IGF2BP2: variants seen among roughly 807,000 people sequenced by gnomAD.
IGF2BP2 encodes insulin-like growth factor 2 mRNA-binding protein 2.
IGF2BP2 carries 17 observed loss-of-function variants against 75.8 expected under a neutral mutation model. The ratio of observed to expected loss-of-function variants is 0.22; its 90% CI spans 0.15 to 0.34. The LOEUF (loss-of-function observed/expected upper bound fraction) is 0.34, where lower values mean the gene tolerates loss of function less well. IGF2BP2 is among the 10% of genes least tolerant of loss of function. The pLI, the probability that IGF2BP2 is intolerant of heterozygous loss-of-function variation, is 1.00. For synonymous variants in IGF2BP2, 288 were observed against 295.6 expected, an observed-to-expected ratio of 0.97 and a Z score of 0.26; for missense variants, 516 against 772.4, an observed-to-expected ratio of 0.67 and a Z score of 3.93.
rs560926381 is a variant in IGF2BP2, at chr3:185,824,285, C to G, written c.178+498G>C. 4.0e-5 allele frequency among the ~76,000 whole-genome samples: 6 copies of G among 149,864 alleles called. No individual in the cohort carries two copies. In the East Asian group the frequency reaches 1.2e-3, roughly 30 times the overall value. ...GGGGGCTCGAAAGGAGAGTGCGGCT[C>G]AGGAGACGCCAGAGGGCGAGAGGTT... On this transcript the variant is annotated intron_variant, in intron 1 of 15. Coordinates refer to ENST00000382199, the MANE Select transcript of IGF2BP2 (RefSeq NM_006548.6).
intron 2 of IGF2BP2, chr3:185,716,523 T>A (rs1275713432): frequency 5.8e-6 from 3 of 520,144 alleles, no homozygotes; most frequent in Non-Finnish European, 1.2e-5. Context: ...GTGGGCTGCT[T>A]TATCCTGTAG....
In IGF2BP2 at chr3:185,824,913, G is replaced by A. The variant is rs754814335; in HGVS notation, c.48C>T (p.Ala16=). Residue 16 remains alanine (A), a synonymous_variant, in exon 1 of 16, where the codon GCC becomes GCT. Coordinates refer to ENST00000382199, the MANE Select transcript of IGF2BP2 (RefSeq NM_006548.6). ...YIGNLSPAVT[A]DDLRQLFGDR... is the part of the protein sequence containing the mutation. ...CCCCAAAGAGCTGCCGGAGGTCGTC[G>A]GCGGTGACGGCGGGGCTCAGGTTCC... is the stretch of plus-strand genomic sequence containing the variant. The A allele has an allele frequency of 3.2e-6, 5 of 1,567,490 alleles. No individual in the cohort carries two copies. In the African/African-American group the frequency reaches 4.1e-5, roughly 13 times the overall value.
intron 2 of IGF2BP2, among the ~76,000 whole-genome samples, chr3:185,744,997 C>G (rs1197477620): frequency 6.6e-6 from 1 of 152,246 alleles, no homozygotes; most frequent in Non-Finnish European, 1.5e-5. Flanking sequence ...GACCAGAGGG[C>G]CTTTATTTCT....
chr3:185,696,709 T>C (rs1466762089), intron 3 of IGF2BP2, 46 bp from the exon 4 acceptor site: 1 of 1,523,496 alleles, frequency 6.6e-7, no homozygotes, highest in Non-Finnish European at 9.1e-7. Context: ...CAAGATCATA[T>C]GTACAAAAAA....
chr3:185,761,485 C>T (rs538534402), intron 2 of IGF2BP2, among the ~76,000 whole-genome samples: 45 of 152,182 alleles, frequency 3.0e-4, no homozygotes, highest in Non-Finnish European at 4.6e-4. Context: ...GGCTTCACTG[C>T]CAGGAGTGTG....
intron 10 of IGF2BP2, among the ~76,000 whole-genome samples, chr3:185,671,106 C>A (rs1463199077): frequency 6.6e-6 from 1 of 152,198 alleles, no homozygotes; most frequent in African/African-American, 2.4e-5. Context: ...GCTATTCTTA[C>A]TGCTTGGCGC....
At position 185,643,806 on chromosome 3, in the gene IGF2BP2, G is replaced by C. The variant is rs1333539435; in HGVS notation, c.*1725C>G. ...TTTTTTTTTTTTTTTTTTTGTCACA[G>C]AACACTGTTTGCAGTAGAGGAAACT... On this transcript the variant is annotated 3_prime_UTR_variant, in exon 16 of 16. Transcript: ENST00000382199. The C allele has an allele frequency of 5.0e-5, 5 of 99,486 alleles. No individual in the cohort carries two copies. The highest frequency in any genetic ancestry group is 2.0e-4 in the African/African-American group (5 of 25,078). 6.2% of individuals were successfully genotyped at this position (99,486 alleles called of 1,614,324 possible). A position where few individuals can be genotyped will look rare whatever the true frequency, so the allele number is the denominator to read the frequency against.
intron 2 of IGF2BP2, among the ~76,000 whole-genome samples, chr3:185,721,352 C>A (rs1240981305): frequency 6.6e-6 from 1 of 152,068 alleles, no homozygotes; most frequent in African/African-American, 2.4e-5. Context: ...CAGGTACCCA[C>A]CACAATGCCC....
chr3:185,669,303 G>A (rs943400029), intron 10 of IGF2BP2, among the ~76,000 whole-genome samples: 7 of 151,964 alleles, frequency 4.6e-5, no homozygotes, highest in Non-Finnish European at 7.4e-5. Flanking sequence ...TACACACAAG[G>A]ATTTCCATTC....
At chr3:185,723,260 G>T (rs1169683278) in intron 2 of IGF2BP2, among the ~76,000 whole-genome samples, 2 of 152,204 alleles carry the variant, frequency 1.3e-5, no homozygotes, top group Admixed American at 1.3e-4. Flanking sequence ...TCATGATATT[G>T]ATTTCTATCC....
intron 2 of IGF2BP2, among the ~76,000 whole-genome samples, chr3:185,808,656 C>T (rs2149995078): frequency 6.6e-6 from 1 of 151,818 alleles, no homozygotes; most frequent in Non-Finnish European, 1.5e-5. Flanking sequence ...GCCTCCCAGG[C>T]TCAAGTGATT....
chr3:185,705,794 G>A (rs571989534), intron 2 of IGF2BP2, among the ~76,000 whole-genome samples: 2 of 152,126 alleles, frequency 1.3e-5, no homozygotes, highest in Non-Finnish European at 2.9e-5. Context: ...TCTCTCTGGG[G>A]TCTATTTTAT....
At chr3:185,646,539 G>A (rs1272653891) in intron 15 of IGF2BP2, among the ~76,000 whole-genome samples, 3 of 152,252 alleles carry the variant, frequency 2.0e-5, no homozygotes, top group African/African-American at 7.2e-5. Flanking sequence ...CTGTGTGGAG[G>A]TGCAGTATTT....
chr3:185,743,686 A>T (rs1263440849), intron 2 of IGF2BP2, among the ~76,000 whole-genome samples: 1 of 152,252 alleles, frequency 6.6e-6, no homozygotes, highest in African/African-American at 2.4e-5. Flanking sequence ...TTATAGTATC[A>T]GATAAAATTA....
At chr3:185,698,497 C>A in intron 2 of IGF2BP2, 150 bp from the exon 3 acceptor site, 1 of 694,814 alleles carries the variant, frequency 1.4e-6, no homozygotes, top group South Asian at 1.8e-5. Context: ...GAATCATGAG[C>A]ATAGTTTTTT....
chr3:185,679,013 T>C (rs1719968715), intron 7 of IGF2BP2, among the ~76,000 whole-genome samples: 1 of 152,238 alleles, frequency 6.6e-6, no homozygotes, highest in African/African-American at 2.4e-5. Flanking sequence ...ATATGTGTCC[T>C]TATATCTAAA....
intron 2 of IGF2BP2, among the ~76,000 whole-genome samples, chr3:185,706,456 A>G (rs1460563926): frequency 6.6e-6 from 1 of 152,160 alleles, no homozygotes; most frequent in African/African-American, 2.4e-5. Context: ...CAGTGAGTCA[A>G]CGGATCATTA....
chr3:185,798,162 C>T (rs1470220195), intron 2 of IGF2BP2, among the ~76,000 whole-genome samples: 1 of 152,064 alleles, frequency 6.6e-6, no homozygotes, highest in African/African-American at 2.4e-5. Flanking sequence ...GATTGCGCCA[C>T]TGCACTCCTG....
At chr3:185,804,756 G>A (rs1738770423) in intron 2 of IGF2BP2, among the ~76,000 whole-genome samples, 1 of 152,066 alleles carries the variant, frequency 6.6e-6, no homozygotes, top group East Asian at 1.9e-4. Context: ...TTGGGAGGCG[G>A]AGGTGGGCGG....
Sources: gnomAD v4.1 joint callset for allele counts (sites outside exome capture counted in the v4.1 genomes callset) on GRCh38, gnomAD v4.1.1 for gene constraint, MANE v1.5 for transcripts, NCBI Gene and HGNC (gene_info 2026-07-23, HGNC 2026-07-21) for gene names.